The following ARHGEF18 variants were observed in gnomAD, a reference collection of about 807,000 sequenced individuals.
ARHGEF18 encodes rho guanine nucleotide exchange factor 18.
ARHGEF18 carries 93 observed loss-of-function variants against 155.7 expected under a neutral mutation model. The ratio of observed to expected loss-of-function variants is 0.60; its 90% confidence interval spans 0.50 to 0.71. The LOEUF is 0.71. ARHGEF18 is among the 30% of genes least tolerant of loss of function. ARHGEF18 has a pLI of 0.00. For missense variants in ARHGEF18, 1,593 were observed against 1,816.1 expected (o/e 0.88, Z 2.23); for synonymous variants, 742 against 753.1 (o/e 0.99, Z 0.24).
At position 7,362,074 on chromosome 19, in the gene ARHGEF18, A is replaced by G. The variant is rs1180922748; in HGVS notation, c.-110-707A>G. ...GAAGGAGAAGGAGAAGGAGAAGGAG[A>G]AGGAGAAGGAGAAGGAGAAGGAGAA... is the stretch of plus-strand genomic sequence containing the variant. On this transcript the variant is annotated intron_variant, in intron 1 of 28. Coordinates refer to ENST00000668164, the MANE Select transcript of ARHGEF18 (RefSeq NM_001367823.1). 2.8e-3 allele frequency among the ~76,000 whole-genome samples: 65 copies of G among 23,082 alleles called. 2 individuals are homozygous for G. The East Asian group carries it at 0.048, about 17-fold the overall frequency. 15.1% of individuals were successfully genotyped at this position (23,082 alleles called of 152,430 possible).
chr19:7,442,828 C>A (rs966413573), intron 13 of ARHGEF18, among the ~76,000 whole-genome samples: 4 of 152,196 alleles, frequency 2.6e-5, no homozygotes, highest in Non-Finnish European at 5.9e-5. Context: ...GGCCCCATTT[C>A]CTGGCTTCCT....
rs770758435 is a variant in ARHGEF18, at chr19:7,440,531, G to A, written c.1106+49G>A. Reference sequence around the variant, plus strand: ...CCTCGGGTGGGTGGTGGCATTCCCCGGGGAGCTGTTGACAGCCTCTTCGGA... The same window carrying A: ...CCTCGGGTGGGTGGTGGCATTCCCCAGGGAGCTGTTGACAGCCTCTTCGGA... On this transcript the variant is annotated intron_variant, in intron 11 of 28. Transcript: ENST00000668164. The surrounding 1 kb of genome is among the most constrained non-coding windows in gnomAD (Gnocchi z 5.4). 1.3e-5 allele frequency: 20 copies of A among 1,552,266 alleles called. No individual in the cohort carries two copies. The East Asian group carries it at 2.5e-4, about 19-fold the overall frequency.
At chr19:7,435,271 C>T (rs1372504281) in intron 10 of ARHGEF18, among the ~76,000 whole-genome samples, 2 of 151,926 alleles carry the variant, frequency 1.3e-5, no homozygotes, top group African/African-American at 4.8e-5. Flanking sequence ...CTCTGGGCAG[C>T]TGGTGTTTTA....
chr19:7,394,811 C>T (rs1971596959), intron 10 of ARHGEF18, among the ~76,000 whole-genome samples: 1 of 152,136 alleles, frequency 6.6e-6, no homozygotes, highest in Non-Finnish European at 1.5e-5. Context: ...TCTGGATCCC[C>T]GCAACCCAGC....
At chr19:7,412,602 C>T (rs944784437) in intron 10 of ARHGEF18, among the ~76,000 whole-genome samples, 2 of 151,570 alleles carry the variant, frequency 1.3e-5, no homozygotes, top group Non-Finnish European at 2.9e-5. Flanking sequence ...AGTAGCCGGG[C>T]GTGGTGGCAG....
intron 10 of ARHGEF18, among the ~76,000 whole-genome samples, chr19:7,419,373 C>T (rs1454302484): frequency 6.6e-6 from 1 of 151,440 alleles, no homozygotes; most frequent in Non-Finnish European, 1.5e-5. Flanking sequence ...CCACACTTGC[C>T]CCCTGCACCC....
intron 10 of ARHGEF18, among the ~76,000 whole-genome samples, chr19:7,426,488 A>AAAG (rs1024755222): frequency 2.8e-5 from 4 of 144,840 alleles, no homozygotes; most frequent in Non-Finnish European, 6.0e-5. Context: ...CTCTGTCTCA[A>AAAG]AAAAAAAAAA....
intron 11 of ARHGEF18, among the ~76,000 whole-genome samples, chr19:7,441,166 A>C (rs1029371808): frequency 3.1e-3 from 181 of 59,136 alleles, no homozygotes; most frequent in Middle Eastern, 0.015. Flanking sequence ...AATCTTCCCC[A>C]CCCCCCGCCC....
At position 7,419,179 on chromosome 19, in the gene ARHGEF18, AGATGTACCCACACTCGGCCTCTGTACCCC is replaced by A. The variant is rs770626310; in HGVS notation, c.968-21114_968-21086del. 6.1e-3 allele frequency among the ~76,000 whole-genome samples: 781 copies of A among 129,062 alleles called. 28 individuals carry two copies. The highest frequency in any genetic ancestry group is 0.026 in the African/African-American group (740 of 28,464). 84.7% of individuals were successfully genotyped at this position (129,062 alleles called of 152,430 possible). On this transcript the variant is annotated intron_variant, in intron 10 of 28. Transcript: ENST00000668164. ...TACCCACCCTCAGCCTCTGTACCCC[AGATGTACCCACACTCGGCCTCTGTACCCC>A]GATGTACCCACACTCGGCCTCTGTA...
intron 10 of ARHGEF18, among the ~76,000 whole-genome samples, chr19:7,434,340 C>T (rs2145739060): frequency 6.6e-6 from 1 of 152,206 alleles, no homozygotes; most frequent in East Asian, 1.9e-4. Context: ...TTTTAAAAAT[C>T]ACCCTGAGGA....
At chr19:7,442,536 C>CTCTCTGTCTT (rs149227041) in intron 13 of ARHGEF18, among the ~76,000 whole-genome samples, 42,059 of 151,926 alleles carry the variant, frequency 0.28, 6,251 homozygotes, top group African/African-American at 0.37. Context: ...TGCCTGGCCT[C>CTCTCTGTCTT]TCTCTGTCTT....
intron 10 of ARHGEF18, among the ~76,000 whole-genome samples, chr19:7,416,202 A>G (rs1972995093): frequency 6.6e-6 from 1 of 151,930 alleles, no homozygotes; most frequent in South Asian, 2.1e-4. Context: ...GTTTGAGACC[A>G]GCCAGCCTGG....
At chr19:7,411,012 C>A (rs1486826263) in intron 10 of ARHGEF18, among the ~76,000 whole-genome samples, 1 of 151,918 alleles carries the variant, frequency 6.6e-6, no homozygotes, top group Non-Finnish European at 1.5e-5. Context: ...AAGGCAGATG[C>A]TTTTTCAGCA....
At chr19:7,465,958 C>G (rs988612318) in intron 23 of ARHGEF18, among the ~76,000 whole-genome samples, 2 of 151,810 alleles carry the variant, frequency 1.3e-5, no homozygotes, top group Admixed American at 6.6e-5. Context: ...GTGGTGGATA[C>G]CTGTAATCCC....
chr19:7,350,766 GGGTGTGTGTGTGTGTGTGT>G lies in ARHGEF18; in HGVS notation c.-111+1527_-111+1545del, dbSNP rs1969136440. ...AAAAGGCTGTTGAGTTTTTTGGGGT[GGGTGTGTGTGTGTGTGTGT>G]GTGTGTGTGTGTGTGTGTGTGTGTG... On this transcript the variant is annotated intron_variant, in intron 1 of 28. Coordinates refer to ENST00000668164, the MANE Select transcript of ARHGEF18 (RefSeq NM_001367823.1). Among the ~76,000 whole-genome samples, 8 of 6,444 alleles carry G rather than the reference GGGTGTGTGTGTGTGTGTGT, an allele frequency of 1.2e-3. No individual in the cohort carries two copies. The East Asian group carries it at 0.041, about 33-fold the overall frequency. 4.2% of individuals were successfully genotyped at this position (6,444 alleles called of 152,430 possible).
In ARHGEF18 at chr19:7,453,362, G is replaced by A. The variant is rs549397777; in HGVS notation, c.1856-105G>A. The A allele has an allele frequency of 5.3e-5, 73 of 1,371,488 alleles. No individual in the cohort carries two copies. In the South Asian group the frequency reaches 1.1e-3, roughly 21 times the overall value. The allele number at this position is 1,371,488 out of a possible 1,614,324, so 85.0% of individuals were successfully genotyped here. On this transcript the variant is annotated intron_variant, in intron 16 of 28. Transcript: ENST00000668164. ...TAGATCCCACACGCCCATACATAGT[G>A]TGTCCACACACCTCATAGATCCACA... is the stretch of plus-strand genomic sequence containing the variant.
chr19:7,467,747 G>T (rs1045963017), intron 26 of ARHGEF18, 63 bp downstream of exon 26: 71 of 1,393,718 alleles, frequency 5.1e-5, no homozygotes, highest in Non-Finnish European at 6.2e-5. Context: ...GCATTTGCAC[G>T]AGTGCATGCA....
intron 10 of ARHGEF18, among the ~76,000 whole-genome samples, chr19:7,425,242 G>A (rs988711953): frequency 2.6e-5 from 4 of 151,830 alleles, no homozygotes; most frequent in African/African-American, 9.7e-5. Flanking sequence ...ACCTATAGCA[G>A]TTTACCTTAG....
intron 1 of ARHGEF18, among the ~76,000 whole-genome samples, chr19:7,362,218 G>T (rs1218428216): frequency 1.4e-5 from 2 of 140,520 alleles, no homozygotes; most frequent in Non-Finnish European, 3.0e-5. Flanking sequence ...GAAAAGAAGA[G>T]GAAGAAGAGG....
Sources: allele counts gnomAD v4.1 joint callset (sites outside exome capture counted in the v4.1 genomes callset), GRCh38; gene constraint gnomAD v4.1.1; non-coding constraint Gnocchi (gnomAD v3.1); transcripts MANE v1.5; gene names NCBI Gene and HGNC (gene_info 2026-07-23, HGNC 2026-07-21).